Variants in LNX1 observed in about 807,000 individuals in gnomAD.
LNX1 encodes E3 ubiquitin-protein ligase LNX.
LNX1 carries 54 observed loss-of-function variants against 68.4 expected under a neutral mutation model. The ratio of observed to expected loss-of-function variants is 0.79; its 90% CI spans 0.63 to 0.99. The LOEUF is 0.99. LNX1 is among the 50% of genes least tolerant of loss of function. The pLI is 0.00. For synonymous variants in LNX1, 336 were observed against 350.0 expected (o/e 0.96, Z 0.45); for missense variants, 906 against 926.4 (o/e 0.98, Z 0.29).
At chr4:53,630,970 C>T (rs367689951) in intron 1 of LNX1, among the ~76,000 whole-genome samples, 12 of 152,330 alleles carry the variant, frequency 7.9e-5, no homozygotes, top group Admixed American at 4.6e-4. Flanking sequence ...TACCTGGTTG[C>T]AGAGGTCAAC....
intron 1 of LNX1, among the ~76,000 whole-genome samples, chr4:53,577,495 A>G (rs763457066): frequency 5.9e-5 from 9 of 152,234 alleles, no homozygotes; most frequent in Non-Finnish European, 1.3e-4. Context: ...TGTGGAAGGC[A>G]TCAGATACTT....
chr4:53,477,451 T>C (rs1197505794), intron 8 of LNX1, among the ~76,000 whole-genome samples: 1 of 152,200 alleles, frequency 6.6e-6, no homozygotes, highest in Non-Finnish European at 1.5e-5. Context: ...AGAGGAGTCT[T>C]GGAGCTGCAC....
At chr4:53,621,281 C>G (rs1304729671), upstream of LNX1, among the ~76,000 whole-genome samples, 1 of 152,188 alleles carries the variant, frequency 6.6e-6, no homozygotes, top group African/African-American at 2.4e-5. Context: ...GTGCAGTGCC[C>G]TCTGCCTGGG....
intron 2 of LNX1, among the ~76,000 whole-genome samples, chr4:53,532,609 A>G (rs1435221): frequency 0.71 from 108,063 of 152,146 alleles, 40,778 homozygotes; most frequent in Non-Finnish European, 0.82. Flanking sequence ...GATAGTCCCC[A>G]TAGGAAATTC....
intron 2 of LNX1, among the ~76,000 whole-genome samples, chr4:53,542,896 C>A (rs1212565825): frequency 2.0e-5 from 3 of 152,212 alleles, no homozygotes; most frequent in African/African-American, 7.2e-5. Flanking sequence ...GTAGAGGGAA[C>A]TGATGGTCAT....
upstream of LNX1, among the ~76,000 whole-genome samples, chr4:53,595,832 G>A (rs1732727930): frequency 2.0e-5 from 3 of 152,140 alleles, no homozygotes; most frequent in South Asian, 6.2e-4. Context: ...ACCATGCCTT[G>A]TGATTCAGCA....
chr4:53,557,935 A>G, intron 2 of LNX1: 1 of 1,613,678 alleles, frequency 6.2e-7, no homozygotes, highest in Non-Finnish European at 8.5e-7. Flanking sequence ...GGACTGAGCC[A>G]AGGCAAGACC....
intron 9 of LNX1, among the ~76,000 whole-genome samples, chr4:53,473,386 G>A (rs116046382): frequency 0.018 from 2,747 of 152,230 alleles, 84 homozygotes; most frequent in African/African-American, 0.063. Flanking sequence ...CAATAGCAAA[G>A]ATACAGAATC....
intron 1 of LNX1, among the ~76,000 whole-genome samples, chr4:53,648,356 C>T (rs1329064444): frequency 6.6e-6 from 1 of 152,130 alleles, no homozygotes; most frequent in African/African-American, 2.4e-5. Context: ...TTTTTCCTAA[C>T]CATTAGTGAT....
At chr4:53,622,673 G>A (rs1198524358) in intron 1 of LNX1, among the ~76,000 whole-genome samples, 1 of 152,138 alleles carries the variant, frequency 6.6e-6, no homozygotes, top group Non-Finnish European at 1.5e-5. Context: ...GATTGAAAAG[G>A]TTTAAAAGTG....
chr4:53,594,196 T>C (rs752546531), upstream of LNX1: 6 of 151,362 alleles, frequency 4.0e-5, no homozygotes, highest in Non-Finnish European at 7.4e-5. Flanking sequence ...TTCATGCATA[T>C]ATTTATGAGA....
intron 2 of LNX1, among the ~76,000 whole-genome samples, chr4:53,600,171 C>T (rs1732934984): frequency 6.6e-6 from 1 of 152,212 alleles, no homozygotes. Flanking sequence ...ATCAATCCTC[C>T]ACGCACTTGC....
At chr4:53,596,400 G>A (rs753063914), upstream of LNX1, among the ~76,000 whole-genome samples, 2 of 152,086 alleles carry the variant, frequency 1.3e-5, no homozygotes, top group Non-Finnish European at 2.9e-5. Context: ...TGAAGTTGGC[G>A]CACATTTTGT....
chr4:53,507,822 G>T (rs1013548520), intron 3 of LNX1, among the ~76,000 whole-genome samples, 164 bp downstream of exon 3: 1 of 152,132 alleles, frequency 6.6e-6, no homozygotes, highest in East Asian at 1.9e-4. Flanking sequence ...GGAGGTACTT[G>T]CGGTTTCATT....
At chr4:53,489,124 T>A (rs561845916) in intron 6 of LNX1, among the ~76,000 whole-genome samples, 15 of 152,306 alleles carry the variant, frequency 9.8e-5, no homozygotes, top group South Asian at 8.3e-4. Flanking sequence ...CCTGATATAT[T>A]ATTAAAAAGT....
intron 1 of LNX1, among the ~76,000 whole-genome samples, chr4:53,636,179 C>CTTTTTTTTTTTT (rs11440722): frequency 1.2e-5 from 1 of 85,226 alleles, no homozygotes; most frequent in Non-Finnish European, 2.1e-5. Context: ...TCTATTACTC[C>CTTTTTTTTTTTT]TTTTTTTTTT....
intron 1 of LNX1, among the ~76,000 whole-genome samples, chr4:53,642,833 C>A: frequency 6.6e-6 from 1 of 152,270 alleles, no homozygotes; most frequent in East Asian, 1.9e-4. Flanking sequence ...TGAAGAATCC[C>A]CAGATCCCTC....
intron 10 of LNX1, 69 bp downstream of exon 10, chr4:53,461,366 T>C: frequency 1.6e-6 from 2 of 1,265,282 alleles, no homozygotes; most frequent in Non-Finnish European, 2.2e-6. Context: ...TTATCTCAAA[T>C]GGGGCCAAGC....
At chr4:53,634,542 G>C (rs373349111) in intron 1 of LNX1, among the ~76,000 whole-genome samples, 57 of 152,048 alleles carry the variant, frequency 3.7e-4, no homozygotes, top group African/African-American at 1.0e-3. Context: ...CCGCCCCCAG[G>C]CTCAGCTCGG....
Sources: allele counts gnomAD v4.1 joint callset (sites outside exome capture counted in the v4.1 genomes callset), GRCh38; gene constraint gnomAD v4.1.1; transcripts MANE v1.5; gene names NCBI Gene and HGNC (gene_info 2026-07-23, HGNC 2026-07-21).